GRM7: variants seen among roughly 807,000 people sequenced by gnomAD.
GRM7 encodes the protein glutamate metabotropic receptor 7.
A neutral mutation model predicts 84.5 loss-of-function variants in GRM7; 35 were observed. The observed-to-expected ratio is 0.41, with a 90% CI of 0.32 to 0.55. GRM7 has a LOEUF of 0.55. Ranked by LOEUF, GRM7 falls within the 20% of genes least tolerant of loss-of-function variation. The pLI, the probability that GRM7 is intolerant of heterozygous loss-of-function variation, is 0.19. For synonymous variants in GRM7, 487 were observed against 455.1 expected, an observed-to-expected ratio of 1.07 and a Z score of -0.89; for missense variants, 1,003 against 1,194.6, an observed-to-expected ratio of 0.84 and a Z score of 2.36.
intron 1 of GRM7, among the ~76,000 whole-genome samples, chr3:7,137,600 G>GA (rs989575591): frequency 6.6e-6 from 1 of 151,980 alleles, no homozygotes; most frequent in African/African-American, 2.4e-5. Flanking sequence ...TTTGAGTTGA[G>GA]AAAAAAACTT....
In GRM7 at chr3:7,601,260, C is replaced by T. The variant is rs116249178; in HGVS notation, c.2451+21903C>T. 2.0e-3 allele frequency among the ~76,000 whole-genome samples: 308 copies of T among 152,220 alleles called. 2 individuals carry two copies. The highest frequency in any genetic ancestry group is 6.7e-3 in the African/African-American group (277 of 41,542). On this transcript the variant is annotated intron_variant, in intron 8 of 9. Transcript: ENST00000357716. Reference sequence around the variant, plus strand: ...CTGACTTCTGACTTCCTTTGTAATGCTGTGCATTTTGTCTTATGCATCCAA... The same window carrying T: ...CTGACTTCTGACTTCCTTTGTAATGTTGTGCATTTTGTCTTATGCATCCAA...
chr3:6,996,396 A>G (rs1287141298), intron 1 of GRM7, among the ~76,000 whole-genome samples: 1 of 152,172 alleles, frequency 6.6e-6, no homozygotes, highest in Non-Finnish European at 1.5e-5. Context: ...AAAGTGAAGG[A>G]AATCATTTCT....
chr3:7,009,662 A>C (rs1695302160), intron 1 of GRM7, among the ~76,000 whole-genome samples: 2 of 152,308 alleles, frequency 1.3e-5, no homozygotes, highest in South Asian at 4.1e-4. Flanking sequence ...TTAAGGGCCC[A>C]GGTCAATATG....
At chr3:7,257,867 C>T (rs747290755) in intron 2 of GRM7, among the ~76,000 whole-genome samples, 1 of 152,096 alleles carries the variant, frequency 6.6e-6, no homozygotes, top group Non-Finnish European at 1.5e-5. Flanking sequence ...AATTTTTATT[C>T]CTTGTTTTAT....
At position 7,177,051 on chromosome 3, in the gene GRM7, C is replaced by T. The variant is rs146412439; in HGVS notation, c.736+30383C>T. ...CTTTTCACATAGACTCCAAATTTTT[C>T]TGAATCCTTATCTTTGCTCATTTTG... On this transcript the variant is annotated intron_variant, in intron 2 of 9. Coordinates refer to ENST00000357716, the MANE Select transcript of GRM7 (RefSeq NM_000844.4). Among the ~76,000 whole-genome samples, 629 of 152,290 alleles carry T rather than the reference C, an allele frequency of 4.1e-3. 11 individuals are homozygous for T. Among genetic ancestry groups the T allele is most frequent in the African/African-American group, 0.014 (595 of 41,568 alleles).
chr3:7,418,722 C>T (rs1696274908), intron 5 of GRM7, among the ~76,000 whole-genome samples: 1 of 152,100 alleles, frequency 6.6e-6, no homozygotes, highest in Non-Finnish European at 1.5e-5. Flanking sequence ...AGGAACATTA[C>T]ACAAATGAAG....
intron 7 of GRM7, among the ~76,000 whole-genome samples, chr3:7,538,166 A>G (rs112376145): frequency 1.3e-4 from 20 of 152,128 alleles, no homozygotes; most frequent in African/African-American, 4.8e-4. Context: ...CTGGAGTGCA[A>G]TGACACAATT....
chr3:7,139,675 G>A (rs971338958), intron 1 of GRM7, among the ~76,000 whole-genome samples: 3 of 151,820 alleles, frequency 2.0e-5, no homozygotes, highest in South Asian at 2.1e-4. Context: ...GTGATATGTC[G>A]ATACAGCTGA....
At chr3:7,201,523 A>C (rs1214985672) in intron 2 of GRM7, among the ~76,000 whole-genome samples, 1 of 152,172 alleles carries the variant, frequency 6.6e-6, no homozygotes, top group African/African-American at 2.4e-5. Context: ...CCACAAGTTG[A>C]AGTCTGTTGC....
intron 7 of GRM7, among the ~76,000 whole-genome samples, chr3:7,508,669 A>G (rs986926163): frequency 6.6e-5 from 10 of 152,180 alleles, no homozygotes; most frequent in African/African-American, 1.9e-4. Context: ...GCATTGAAAA[A>G]TTGTTTTTGG....
At chr3:7,336,889 T>A (rs546444413) in intron 4 of GRM7, among the ~76,000 whole-genome samples, 7 of 151,738 alleles carry the variant, frequency 4.6e-5, no homozygotes, top group East Asian at 1.9e-4. Flanking sequence ...TGAAAAAAAA[T>A]CATAGACAAC....
At position 7,117,758 on chromosome 3, in the gene GRM7, C is replaced by T. The variant is rs1417592332; in HGVS notation, c.520-28694C>T. On this transcript the variant is annotated intron_variant, in intron 1 of 9. Coordinates refer to ENST00000357716, the MANE Select transcript of GRM7 (RefSeq NM_000844.4). Reference sequence around the variant, plus strand: ...CAAATCCTTAGTCAATCGAGGCCTCCGTGTCATCATTGTAAGATGTGGCAG... The same window carrying T: ...CAAATCCTTAGTCAATCGAGGCCTCTGTGTCATCATTGTAAGATGTGGCAG... Among the ~76,000 whole-genome samples the T allele has an allele frequency of 3.3e-5, 5 of 152,136 alleles. No individual in the cohort carries two copies. In the East Asian group the frequency reaches 5.8e-4, roughly 18 times the overall value.
At chr3:6,998,962 C>G (rs1365523032) in intron 1 of GRM7, among the ~76,000 whole-genome samples, 1 of 152,228 alleles carries the variant, frequency 6.6e-6, no homozygotes, top group African/African-American at 2.4e-5. Flanking sequence ...TCCTCATTGC[C>G]TTGGTGATTA....
At chr3:7,124,365 G>T (rs1693327167) in intron 1 of GRM7, among the ~76,000 whole-genome samples, 1 of 152,098 alleles carries the variant, frequency 6.6e-6, no homozygotes, top group Admixed American at 6.5e-5. Context: ...AATTAGACAG[G>T]CATGGTGGCT....
At chr3:7,591,389 G>A (rs1279377104) in intron 8 of GRM7, 3 of 412,724 alleles carry the variant, frequency 7.3e-6, no homozygotes, top group African/African-American at 6.2e-5. Flanking sequence ...GTGATGGTAA[G>A]GATGTGGGAA....
Position 7,656,716 on chromosome 3 carries a change from A to G in GRM7, c.2452-23333A>G, listed in dbSNP as rs534234103. Among the ~76,000 whole-genome samples, 3 of 152,132 alleles carry G rather than the reference A, an allele frequency of 2.0e-5. No homozygotes were observed. In the East Asian group the frequency reaches 5.8e-4, roughly 30 times the overall value. On this transcript the variant is annotated intron_variant, in intron 8 of 9. Transcript: ENST00000357716. ...TCGATGGCCCCACTTAAAAGTGTCA[A>G]TTACCACCTACCTCAGGAATGTCAC...
intron 1 of GRM7, among the ~76,000 whole-genome samples, chr3:6,914,683 G>A (rs1244709626): frequency 7.1e-6 from 1 of 141,014 alleles, no homozygotes; most frequent in African/African-American, 3.2e-5. Flanking sequence ...TTACAGGTGT[G>A]AGCCACCGTG....
At chr3:7,622,782 A>G (rs1261205243) in intron 8 of GRM7, among the ~76,000 whole-genome samples, 1 of 152,086 alleles carries the variant, frequency 6.6e-6, no homozygotes, top group Non-Finnish European at 1.5e-5. Flanking sequence ...AGAGGGATGT[A>G]AAGTGAAAGA....
intron 4 of GRM7, among the ~76,000 whole-genome samples, chr3:7,368,351 A>G (rs1337539702): frequency 2.0e-5 from 3 of 152,136 alleles, no homozygotes; most frequent in Non-Finnish European, 4.4e-5. Context: ...TTTTCTTTAA[A>G]CACTATTTAA....
Sources: allele counts gnomAD v4.1 joint callset (sites outside exome capture counted in the v4.1 genomes callset), GRCh38; gene constraint gnomAD v4.1.1; transcripts MANE v1.5; gene names NCBI Gene and HGNC (gene_info 2026-07-23, HGNC 2026-07-21).